The following DNM1 variants were observed in gnomAD, a reference collection of about 807,000 sequenced individuals.
DNM1 encodes dynamin-1.
DNM1 carries 29 observed loss-of-function variants against 104.6 expected under a neutral mutation model. The observed-to-expected ratio is 0.28, with a 90% CI of 0.21 to 0.38. The LOEUF is 0.38. Among genes scored for constraint, DNM1 ranks in the 10% least tolerant of loss-of-function variants. The pLI is 1.00. For missense variants in DNM1, 640 were observed against 1,189.4 expected, an observed-to-expected ratio of 0.54 and a Z score of 6.79; for synonymous variants, 445 against 475.8, an observed-to-expected ratio of 0.94 and a Z score of 0.84.
intron 11 of DNM1, 73 bp downstream of exon 11, chr9:128,234,180 C>CGCCTGCGCCTTCCA: frequency 7.9e-7 from 1 of 1,260,258 alleles, no homozygotes; most frequent in African/African-American, 1.5e-5. Context: ...CACTCCTGGC[C>CGCCTGCGCCTTCCA]CTGGGGTTGC....
At chr9:128,232,890 G>A (rs1049026813) in intron 10 of DNM1, among the ~76,000 whole-genome samples, 6 of 152,188 alleles carry the variant, frequency 3.9e-5, no homozygotes, top group Admixed American at 6.5e-5. Context: ...TCTCCAACAC[G>A]CCCTCTTCCA....
At chr9:128,225,763 C>T (rs991943172) in intron 10 of DNM1, among the ~76,000 whole-genome samples, 1 of 152,034 alleles carries the variant, frequency 6.6e-6, no homozygotes. Flanking sequence ...GGGCTTGGTC[C>T]CTCGTACCTC....
At chr9:128,236,837 G>A (rs931510395) in intron 11 of DNM1, among the ~76,000 whole-genome samples, 3 of 152,164 alleles carry the variant, frequency 2.0e-5, no homozygotes, top group Non-Finnish European at 4.4e-5. Context: ...GGGCAACACA[G>A]TGAGACTCTG....
At chr9:128,228,814 C>T (rs1835490587) in intron 10 of DNM1, among the ~76,000 whole-genome samples, 1 of 151,916 alleles carries the variant, frequency 6.6e-6, no homozygotes, top group African/African-American at 2.4e-5. Context: ...GAAACCCTGT[C>T]TCTACTAAAA....
At chr9:128,211,901 A>G (rs974797005) in intron 1 of DNM1, among the ~76,000 whole-genome samples, 4 of 152,180 alleles carry the variant, frequency 2.6e-5, no homozygotes, top group Non-Finnish European at 5.9e-5. Context: ...GGCTCCAACC[A>G]TGGTTAATAT....
In DNM1 at chr9:128,254,606, C is replaced by T. The variant is rs769430434; in HGVS notation, c.2535-48C>T. 65 of 1,590,556 alleles carry T rather than the reference C, an allele frequency of 4.1e-5. No homozygotes were observed. In the South Asian group the frequency reaches 6.7e-4, roughly 16 times the overall value. On this transcript the variant is annotated intron_variant, in intron 21 of 21. Transcript: ENST00000372923. This position sits in a 1 kb window ranked among gnomAD's most constrained non-coding sequence, Gnocchi z 6.1. ...GCTGCGCTTGCCTTACCAGCTCTCT[C>T]CTCGCTTTTCTCTCCCGTTTTCTCT... is the stretch of plus-strand genomic sequence containing the variant.
At chr9:128,223,546 TC>T (rs1209287030) in intron 9 of DNM1, 1 of 152,274 alleles carries the variant, frequency 6.6e-6, no homozygotes, top group Non-Finnish European at 1.5e-5. Context: ...GGAATTTACT[TC>T]CTGATAACTG....
At position 128,234,086 on chromosome 9, in the gene DNM1, C is replaced by T. The variant is rs527820256; in HGVS notation, c.1401C>T (p.Arg467=). The T allele has an allele frequency of 2.6e-5, 41 of 1,569,682 alleles. No homozygotes were observed. In the East Asian group the frequency reaches 8.8e-4, roughly 34 times the overall value. ...ERIVTTHIRE[R]EGRTKEQVML... is the part of the protein sequence containing the mutation. ...TCGTGACCACCCACATCCGGGAGCG[C>T]GAGGGCCGCACTAAGGAGCAGGTGA... The change falls in exon 11 of 22, where the codon CGC becomes CGT. Residue 467 remains arginine, a synonymous_variant. Coordinates refer to ENST00000372923, the MANE Select transcript of DNM1 (RefSeq NM_004408.4).
chr9:128,244,067 G>T lies in DNM1; in HGVS notation c.1671+1722G>T, dbSNP rs573766096. Among the ~76,000 whole-genome samples the T allele has an allele frequency of 2.6e-5, 4 of 151,978 alleles. No individual in the cohort carries two copies. The South Asian group carries it at 8.3e-4, about 32-fold the overall frequency. On this transcript the variant is annotated intron_variant, in intron 15 of 21. Transcript: ENST00000372923. ...ATGTGGTCTGCATTTGCATCTGGGG[G>T]TGAAATCTGTGTGCCTGGGGAGTGA...
At position 128,220,067 on chromosome 9, in the gene DNM1, G is replaced by A. The variant is rs2131157240; in HGVS notation, c.669G>A (p.Lys223=). ...ATGCCCGTGATGTGCTGGAGAACAA[G>A]CTGCTCCCCCTGCGCAGAGGTAAGC... ...GTDARDVLEN[K]LLPLRRGYIG... Residue 223 remains lysine (K), a synonymous_variant, in exon 5 of 22, where the codon AAG becomes AAA. Coordinates refer to ENST00000372923, the MANE Select transcript of DNM1 (RefSeq NM_004408.4). This position sits in a 1 kb window ranked among gnomAD's most constrained non-coding sequence, Gnocchi z 5.2. 1 of 1,612,776 alleles carries A rather than the reference G, an allele frequency of 6.2e-7. No individual in the cohort carries two copies. Among genetic ancestry groups the A allele is most frequent in the Non-Finnish European group, 8.5e-7 (1 of 1,179,270 alleles).
Position 128,254,701 on chromosome 9 carries a change from C to G in DNM1, c.2582C>G (p.Pro861Arg), listed in dbSNP as rs187315526. 1.8e-5 allele frequency: 29 copies of G among 1,596,210 alleles called. No individual in the cohort carries two copies. The highest frequency in any genetic ancestry group is 3.3e-5 in the South Asian group (3 of 90,978). ...SPSRPESPRP[P>R]FDL ...TCCCGTCCTGAGAGCCCCAGGCCCC[C>G]CTTCGACCTCTAAACAGATCCCTCC... The change falls in exon 22 of 22, where the codon CCC (proline) becomes CGC (arginine). Residue 861 changes from proline (P) to arginine (R), a missense_variant. Physicochemically the swap from Pro to Arg is moderately radical, Grantham distance 103. Around this residue, in one of 7 missense-constraint regions of DNM1, gnomAD observed 37 missense variants for 35.6 expected, o/e 1.04. Transcript: ENST00000372923. The surrounding 1 kb of genome is among the most constrained non-coding windows in gnomAD (Gnocchi z 6.1).
rs1363606775 is a variant in DNM1 at position 128,250,766 on chromosome 9, C to T, written c.2360C>T (p.Ala787Val). ...CCCACGCCGCAGCGCCGAGCCCCCG[C>T]CGTGCCCCCAGCCCGGCCCGGGTCG... is the stretch of plus-strand genomic sequence containing the variant. ...SSPTPQRRAPAVPPARPGSRG... is the reference protein window; with the variant it reads ...SSPTPQRRAPVVPPARPGSRG... Residue 787 changes from alanine to valine, a missense_variant, in exon 21 of 22, where the codon GCC becomes GTC. By Grantham distance (64) the Ala-to-Val change is moderately conservative. Around this residue, in one of 7 missense-constraint regions of DNM1, gnomAD observed 129 missense variants for 224.6 expected, o/e 0.57. Transcript: ENST00000372923. The T allele has an allele frequency of 6.3e-6, 9 of 1,417,620 alleles. No individual in the cohort carries two copies. The highest frequency in any genetic ancestry group is 8.2e-6 in the Non-Finnish European group (9 of 1,091,082). The allele number at this position is 1,417,620 out of a possible 1,614,324, so 87.8% of individuals were successfully genotyped here.
Position 128,220,738 on chromosome 9 carries a change from C to G in DNM1, c.849+397C>G, listed in dbSNP as rs867755238. 3.1e-5 allele frequency among the ~76,000 whole-genome samples: 3 copies of G among 96,380 alleles called. No individual in the cohort carries two copies. Among genetic ancestry groups the G allele is most frequent in the African/African-American group, 1.2e-4 (2 of 16,464 alleles). The allele number at this position is 96,380 out of a possible 152,430, so 63.2% of individuals were successfully genotyped here. A position where few individuals can be genotyped will look rare whatever the true frequency, so the allele number is the denominator to read the frequency against. On this transcript the variant is annotated intron_variant, in intron 6 of 21. Coordinates refer to ENST00000372923, the MANE Select transcript of DNM1 (RefSeq NM_004408.4). The surrounding 1 kb of genome is among the most constrained non-coding windows in gnomAD (Gnocchi z 5.2). ...CATCCAGAACTGAAGTGCGCGCGCGCGCGCGTGTGTGTGTGTGTGTGTGTG... is the reference window on the plus strand; with the variant it reads ...CATCCAGAACTGAAGTGCGCGCGCGGGCGCGTGTGTGTGTGTGTGTGTGTG...
chr9:128,205,634 C>T (rs569853616), intron 1 of DNM1, among the ~76,000 whole-genome samples: 4 of 152,210 alleles, frequency 2.6e-5, no homozygotes, highest in African/African-American at 7.2e-5. Flanking sequence ...GGAATGGAAA[C>T]GCTGACAGCC....
Position 128,247,066 on chromosome 9 carries a change from G to A in DNM1, c.1782-309G>A, listed in dbSNP as rs1265474129. ...CCTTAGAGAGCCACGGAGAAAGCTGGTGGGATCTGGGCCCCAAGCTAGAGA... is the reference window on the plus strand; with the variant it reads ...CCTTAGAGAGCCACGGAGAAAGCTGATGGGATCTGGGCCCCAAGCTAGAGA... On this transcript the variant is annotated intron_variant, in intron 16 of 21. Coordinates refer to ENST00000372923, the MANE Select transcript of DNM1 (RefSeq NM_004408.4). This position sits in a 1 kb window ranked among gnomAD's most constrained non-coding sequence, Gnocchi z 5.1. 3.7e-6 allele frequency: 1 copy of A among 268,574 alleles called. No homozygotes were observed. Among genetic ancestry groups the A allele is most frequent in the African/African-American group, 2.2e-5 (1 of 46,352 alleles). 16.6% of individuals were successfully genotyped at this position (268,574 alleles called of 1,614,324 possible).
intron 1 of DNM1, among the ~76,000 whole-genome samples, chr9:128,216,559 G>A (rs534908451): frequency 9.8e-5 from 15 of 152,296 alleles, no homozygotes; most frequent in Middle Eastern, 3.4e-3. Context: ...TGCCTGGTGC[G>A]CAGAAATGAT....
intron 1 of DNM1, among the ~76,000 whole-genome samples, chr9:128,211,572 C>T (rs1834305311): frequency 1.4e-5 from 2 of 147,726 alleles, no homozygotes; most frequent in African/African-American, 2.5e-5. Flanking sequence ...TCTCAAACTC[C>T]TGGCCTCAAG....
intron 11 of DNM1, 64 bp from the exon 12 acceptor site, chr9:128,239,381 G>T: frequency 3.2e-6 from 4 of 1,250,674 alleles, no homozygotes; most frequent in Non-Finnish European, 4.7e-6. Flanking sequence ...CTCCCAGCTT[G>T]CCCTGCATTT....
At position 128,210,511 on chromosome 9, in the gene DNM1, C is replaced by T. The variant is rs551384372; in HGVS notation, c.161+6880C>T. ...CAAGTAGCTGAGACTAACAGGCACC[C>T]GCCATCATGCCTGGCTAATTTTTGT... On this transcript the variant is annotated intron_variant, in intron 1 of 21. Transcript: ENST00000372923. Among the ~76,000 whole-genome samples, 137 of 152,040 alleles carry T rather than the reference C, an allele frequency of 9.0e-4. 1 individual carries two copies. Among genetic ancestry groups the T allele is most frequent in the Middle Eastern group, 3.4e-3 (1 of 294 alleles).
Sources: gnomAD v4.1 joint callset for allele counts (sites outside exome capture counted in the v4.1 genomes callset) on GRCh38, gnomAD v4.1.1 for gene constraint, gnomAD v4.1.1 regional missense constraint, Gnocchi (gnomAD v3.1) non-coding constraint, MANE v1.5 for transcripts, NCBI Gene and HGNC (gene_info 2026-07-23, HGNC 2026-07-21) for gene names.